The following GARNL3 variants were observed in gnomAD, a reference collection of about 807,000 sequenced individuals.
The protein encoded by GARNL3 is GTPase-activating Rap/Ran-GAP domain-like protein 3.
A neutral mutation model predicts 125.0 loss-of-function variants in GARNL3; 63 were observed. The ratio of observed to expected loss-of-function variants is 0.50; its 90% CI spans 0.41 to 0.62. The LOEUF (loss-of-function observed/expected upper bound fraction) is 0.62, where lower values mean the gene tolerates loss of function less well. Ranked by LOEUF, GARNL3 falls within the 20% of genes least tolerant of loss-of-function variation. GARNL3 has a pLI of 0.00. For synonymous variants in GARNL3, 439 were observed against 457.5 expected (o/e 0.96, Z 0.52); for missense variants, 994 against 1,244.0 (o/e 0.80, Z 3.02).
intron 22 of GARNL3, among the ~76,000 whole-genome samples, chr9:127,379,337 C>T (rs1437491379): frequency 6.6e-6 from 1 of 152,202 alleles, no homozygotes; most frequent in Non-Finnish European, 1.5e-5. Context: ...CCACCTCGTT[C>T]TAATGGCCTT....
chr9:127,392,445 C>A lies in GARNL3; in HGVS notation c.2871-638C>A, dbSNP rs1832917701. Among the ~76,000 whole-genome samples, 1 of 152,208 alleles carries A rather than the reference C, an allele frequency of 6.6e-6. No homozygotes were observed. The highest frequency in any genetic ancestry group is 1.5e-5 in the Non-Finnish European group (1 of 68,042). On this transcript the variant is annotated intron_variant, in intron 27 of 27. Coordinates refer to ENST00000373387, the MANE Select transcript of GARNL3 (RefSeq NM_032293.5). The surrounding 1 kb of genome is among the most constrained non-coding windows in gnomAD (Gnocchi z 5.2). Reference sequence around the variant, plus strand: ...GGAACAGCCCTTCTGACAGCAACTACCTCAGGGCAAGGGCCCCGAAGCAGG... The same window carrying A: ...GGAACAGCCCTTCTGACAGCAACTAACTCAGGGCAAGGGCCCCGAAGCAGG...
chr9:127,233,479 G>T (rs965444497), intron 1 of GARNL3, among the ~76,000 whole-genome samples: 4 of 152,120 alleles, frequency 2.6e-5, no homozygotes, highest in Non-Finnish European at 4.4e-5. Flanking sequence ...CATTATATCT[G>T]GGATGCTTTT....
intron 18 of GARNL3, 110 bp from the exon 19 acceptor site, chr9:127,354,184 T>C (rs1350423288): frequency 3.1e-5 from 25 of 808,220 alleles, no homozygotes; most frequent in Non-Finnish European, 4.3e-5. Context: ...GCCTCCTGAA[T>C]TCCAGAACAC....
intron 15 of GARNL3, among the ~76,000 whole-genome samples, chr9:127,345,015 A>C (rs1830062876): frequency 6.6e-6 from 1 of 152,228 alleles, no homozygotes; most frequent in Non-Finnish European, 1.5e-5. Context: ...AAGCCATGTA[A>C]TCAAGGGAAG....
chr9:127,241,838 G>C (rs960471233), intron 1 of GARNL3, among the ~76,000 whole-genome samples: 1 of 152,074 alleles, frequency 6.6e-6, no homozygotes, highest in African/African-American at 2.4e-5. Flanking sequence ...TGCAATCTCG[G>C]CTCACTGCAA....
chr9:127,385,172 G>C lies in GARNL3; in HGVS notation c.2388+27G>C, dbSNP rs1379567858. On this transcript the variant is annotated intron_variant, in intron 24 of 27. Coordinates refer to ENST00000373387, the MANE Select transcript of GARNL3 (RefSeq NM_032293.5). The surrounding 1 kb of genome is among the most constrained non-coding windows in gnomAD (Gnocchi z 4.1). ...TGAGTAGGACTGGGATTTTATCTCTGAGTGGTTTGGGGGACCCCGGCACTG... is the reference window on the plus strand; with the variant it reads ...TGAGTAGGACTGGGATTTTATCTCTCAGTGGTTTGGGGGACCCCGGCACTG... 1 of 1,471,908 alleles carries C rather than the reference G, an allele frequency of 6.8e-7. No individual in the cohort carries two copies. The highest frequency in any genetic ancestry group is 1.2e-5 in the South Asian group (1 of 83,258). 91.2% of individuals were successfully genotyped at this position (1,471,908 alleles called of 1,614,324 possible). A position where few individuals can be genotyped will look rare whatever the true frequency, so the allele number is the denominator to read the frequency against.
At chr9:127,389,874 T>C (rs995472888) in intron 26 of GARNL3, among the ~76,000 whole-genome samples, 19 of 143,020 alleles carry the variant, frequency 1.3e-4, no homozygotes, top group Non-Finnish European at 8.9e-5. Context: ...GGACCCATGA[T>C]TACACCACTG....
rs546610356 is a variant in GARNL3 at position 127,230,234 on chromosome 9, T to C, written c.-29+5896T>C. Among the ~76,000 whole-genome samples, 11 of 152,358 alleles carry C rather than the reference T, an allele frequency of 7.2e-5. No homozygotes were observed. The East Asian group carries it at 2.1e-3, about 29-fold the overall frequency. ...ACAAATTGCGTAACCCCTCTGAACC[T>C]TAGTTAACTCCTTTATAAAATGACC... is the stretch of plus-strand genomic sequence containing the variant. On this transcript the variant is annotated intron_variant, in intron 1 of 10. Transcript: ENST00000439286.
At chr9:127,359,433 T>A (rs1287279294) in intron 21 of GARNL3, among the ~76,000 whole-genome samples, 9 of 151,944 alleles carry the variant, frequency 5.9e-5, no homozygotes, top group Admixed American at 5.2e-4. Context: ...GAGGTTGCAG[T>A]GAGCCAAGAT....
intron 1 of GARNL3, among the ~76,000 whole-genome samples, chr9:127,226,509 T>G (rs1419977942): frequency 2.0e-5 from 3 of 152,164 alleles, no homozygotes; most frequent in Non-Finnish European, 4.4e-5. Context: ...ATCATCTGTG[T>G]GTTGTATGAG....
upstream of GARNL3, among the ~76,000 whole-genome samples, chr9:127,262,664 T>C (rs753074782): frequency 3.3e-5 from 5 of 152,258 alleles, no homozygotes; most frequent in African/African-American, 4.8e-5. Context: ...CAGAGAATTA[T>C]AATGGCTCAT....
chr9:127,236,538 C>T (rs7860595), intron 1 of GARNL3, among the ~76,000 whole-genome samples: 25,111 of 152,130 alleles, frequency 0.17, 6,374 homozygotes, highest in African/African-American at 0.55. Context: ...AACTTCGAAC[C>T]TCTGGGCTCA....
intron 1 of GARNL3, among the ~76,000 whole-genome samples, chr9:127,239,704 G>A (rs1041544836): frequency 3.3e-5 from 5 of 152,036 alleles, no homozygotes; most frequent in African/African-American, 1.2e-4. Context: ...AAGGTTAAGA[G>A]GAACATATTT....
At chr9:127,316,508 G>A (rs2065243605) in intron 4 of GARNL3, among the ~76,000 whole-genome samples, 1 of 152,220 alleles carries the variant, frequency 6.6e-6, no homozygotes, top group African/African-American at 2.4e-5. Context: ...GTAGGCTGGA[G>A]CCAGTTAAAA....
upstream of GARNL3, among the ~76,000 whole-genome samples, chr9:127,259,556 G>A (rs1488122932): frequency 6.6e-6 from 1 of 152,206 alleles, no homozygotes; most frequent in Admixed American, 6.5e-5. Context: ...GGGAGGAGAT[G>A]TAGTGCTGAA....
intron 16 of GARNL3, 87 bp downstream of exon 16, chr9:127,345,564 G>A: frequency 1.1e-6 from 1 of 886,318 alleles, no homozygotes; most frequent in Non-Finnish European, 1.8e-6. Context: ...AGGTTTGAGA[G>A]CAGAAGGAAG....
At chr9:127,321,509 C>T (rs1041966955) in intron 6 of GARNL3, among the ~76,000 whole-genome samples, 1 of 152,126 alleles carries the variant, frequency 6.6e-6, no homozygotes, top group Non-Finnish European at 1.5e-5. Flanking sequence ...TGGCTACCAT[C>T]GAGGATAAAA....
intron 7 of GARNL3, among the ~76,000 whole-genome samples, chr9:127,329,772 G>A (rs909171450): frequency 4.6e-5 from 7 of 152,086 alleles, no homozygotes; most frequent in Non-Finnish European, 7.4e-5. Context: ...CGGTCCTACC[G>A]TTCACTTAGT....
At chr9:127,339,887 T>C in intron 13 of GARNL3, 136 bp downstream of exon 13, 1 of 685,638 alleles carries the variant, frequency 1.5e-6, no homozygotes, top group Non-Finnish European at 2.7e-6. Flanking sequence ...GCACAACATG[T>C]GTTTAGTATT....
Sources: gnomAD v4.1 joint callset for allele counts (sites outside exome capture counted in the v4.1 genomes callset) on GRCh38, gnomAD v4.1.1 for gene constraint, Gnocchi (gnomAD v3.1) non-coding constraint, MANE v1.5 for transcripts, NCBI Gene and HGNC (gene_info 2026-07-23, HGNC 2026-07-21) for gene names.